Variants in GAD2 observed in about 807,000 individuals in gnomAD.
GAD2 encodes glutamate decarboxylase 2, also known as 65 kDa glutamic acid decarboxylase.
In GAD2, 22 loss-of-function variants were observed where a neutral mutation model predicts 80.1. The ratio of observed to expected loss-of-function variants is 0.27; its 90% CI spans 0.20 to 0.39. GAD2 has a LOEUF of 0.39. GAD2 is among the 10% of genes least tolerant of loss of function. GAD2 has a pLI of 1.00. For synonymous variants in GAD2, 274 were observed against 256.9 expected (o/e 1.07, Z -0.64); for missense variants, 624 against 738.4 (o/e 0.85, Z 1.80).
In GAD2 at chr10:26,270,582, T is replaced by C. The variant is rs1238013807; in HGVS notation, c.976-58T>C. ...AGAATTTCCATTGCTTTGAATCAGC[T>C]TTTTAAAAGAACCCTTGACTCTGTT... On this transcript the variant is annotated intron_variant, in intron 9 of 15. Coordinates refer to ENST00000376261, the MANE Select transcript of GAD2 (RefSeq NM_001134366.2). 8 of 1,259,018 alleles carry C rather than the reference T, an allele frequency of 6.4e-6. No individual in the cohort carries two copies. In the Admixed American group the frequency reaches 1.0e-4, roughly 16 times the overall value. The allele number at this position is 1,259,018 out of a possible 1,614,324, so 78.0% of individuals were successfully genotyped here.
intron 15 of GAD2, among the ~76,000 whole-genome samples, chr10:26,295,082 C>A (rs1313833085): frequency 2.0e-5 from 3 of 150,626 alleles, no homozygotes; most frequent in Non-Finnish European, 4.4e-5. Flanking sequence ...AGAATAAAAA[C>A]TTTTTTTTTT....
intron 7 of GAD2, among the ~76,000 whole-genome samples, chr10:26,237,681 G>C (rs1467869661): frequency 6.6e-6 from 1 of 152,046 alleles, no homozygotes; most frequent in Non-Finnish European, 1.5e-5. Flanking sequence ...ATAATTTTGA[G>C]ATTTCCCTAC....
Position 26,217,282 on chromosome 10 carries a change from C to T in GAD2, c.77-328C>T, listed in dbSNP as rs1489936284. Among the ~76,000 whole-genome samples, 1 of 151,724 alleles carries T rather than the reference C, an allele frequency of 6.6e-6. No homozygotes were observed. Among genetic ancestry groups the T allele is most frequent in the African/African-American group, 2.4e-5 (1 of 41,266 alleles). On this transcript the variant is annotated intron_variant, in intron 1 of 15. Transcript: ENST00000376261. This position sits in a 1 kb window ranked among gnomAD's most constrained non-coding sequence, Gnocchi z 4.9. ...TTTCTTTATCTAGAAAGACAGTCTG[C>T]GAAAAAATGGATAGCTTCAGTGTTT...
chr10:26,253,710 C>T (rs756803747), intron 8 of GAD2, among the ~76,000 whole-genome samples: 20 of 152,212 alleles, frequency 1.3e-4, no homozygotes, highest in Non-Finnish European at 1.9e-4. Flanking sequence ...TCCAGTCTAG[C>T]GTGAGATGAG....
At chr10:26,247,309 G>GT (rs1844821391) in intron 8 of GAD2, among the ~76,000 whole-genome samples, 1 of 152,142 alleles carries the variant, frequency 6.6e-6, no homozygotes, top group Non-Finnish European at 1.5e-5. Flanking sequence ...AGTCACTCTC[G>GT]TGGCCATCTT....
intron 8 of GAD2, among the ~76,000 whole-genome samples, chr10:26,248,182 A>G (rs1022661794): frequency 1.3e-5 from 2 of 152,244 alleles, no homozygotes; most frequent in Non-Finnish European, 2.9e-5. Context: ...GGCAAATTGC[A>G]AATCAATACA....
chr10:26,226,438 A>G (rs192435916), intron 6 of GAD2, among the ~76,000 whole-genome samples: 42 of 152,342 alleles, frequency 2.8e-4, no homozygotes, highest in Middle Eastern at 3.4e-3. Flanking sequence ...CAAGCCATAG[A>G]TGTCACACTA....
intron 8 of GAD2, among the ~76,000 whole-genome samples, chr10:26,262,944 T>C (rs1845026590): frequency 6.6e-6 from 1 of 152,180 alleles, no homozygotes; most frequent in African/African-American, 2.4e-5. Context: ...GCACACCTTC[T>C]TGCCCATACA....
At position 26,234,609 on chromosome 10, in the gene GAD2, G is replaced by A. The variant is rs545928028; in HGVS notation, c.840+4832G>A. 6.6e-5 allele frequency among the ~76,000 whole-genome samples: 10 copies of A among 152,304 alleles called. No individual in the cohort carries two copies. The South Asian group carries it at 1.9e-3, about 28-fold the overall frequency. Reference sequence around the variant, plus strand: ...AGGTTGAAATGTTTGGTTTTATCATGTACTAGTTGTGTGACACTGGACAAG... The same window carrying A: ...AGGTTGAAATGTTTGGTTTTATCATATACTAGTTGTGTGACACTGGACAAG... On this transcript the variant is annotated intron_variant, in intron 7 of 15. Transcript: ENST00000376261.
chr10:26,291,524 C>T (rs1834213953), intron 13 of GAD2, among the ~76,000 whole-genome samples: 1 of 152,162 alleles, frequency 6.6e-6, no homozygotes, highest in Non-Finnish European at 1.5e-5. Flanking sequence ...TGTTGGGCCC[C>T]CTTAGCTGAG....
chr10:26,230,596 G>A (rs1449686044), intron 7 of GAD2, among the ~76,000 whole-genome samples: 2 of 152,084 alleles, frequency 1.3e-5, no homozygotes, highest in Non-Finnish European at 2.9e-5. Flanking sequence ...CACCATGGCT[G>A]ACTAATTTTT....
chr10:26,238,631 C>T (rs1006986105), intron 7 of GAD2, among the ~76,000 whole-genome samples: 3 of 152,216 alleles, frequency 2.0e-5, no homozygotes, highest in African/African-American at 7.2e-5. Context: ...GCTTCACAGA[C>T]GTGCCTGTGT....
chr10:26,260,497 G>A (rs8190695), intron 8 of GAD2, among the ~76,000 whole-genome samples: 9,853 of 152,050 alleles, frequency 0.065, 412 homozygotes, highest in South Asian at 0.13. Flanking sequence ...GTGTGATGGC[G>A]CGTGGCTGTA....
In GAD2 at chr10:26,273,666, C is replaced by G; in HGVS notation, c.1123C>G (p.Arg375Gly). Residue 375 changes from arginine (R) to glycine (G), a missense_variant, in exon 11 of 16, where the codon CGA (arginine) becomes GGA (glycine). Arg to Gly is a moderately radical substitution (Grantham distance 125, BLOSUM62 -2). Transcript: ENST00000376261. The stretch of plus-strand genomic sequence containing the variant: ...TTGGGGTGGGGGATTACTGATGTCC[C>G]GAAAACACAAGTGGAAACTGAGTGG... ...AAWGGGLLMSRKHKWKLSGVE... is the reference protein window; with the variant it reads ...AAWGGGLLMSGKHKWKLSGVE... 3 of 1,612,896 alleles carry G rather than the reference C, an allele frequency of 1.9e-6. No homozygotes were observed. The highest frequency in any genetic ancestry group is 2.5e-6 in the Non-Finnish European group (3 of 1,179,518).
chr10:26,225,724 G>A (rs1037889928), intron 6 of GAD2, among the ~76,000 whole-genome samples: 42 of 152,310 alleles, frequency 2.8e-4, no homozygotes, highest in African/African-American at 9.9e-4. Context: ...TGCAAGCTCT[G>A]GTCAGCTATT....
At chr10:26,228,356 A>G (rs142707511) in intron 6 of GAD2, among the ~76,000 whole-genome samples, 2 of 152,318 alleles carry the variant, frequency 1.3e-5, no homozygotes, top group Non-Finnish European at 2.9e-5. Flanking sequence ...GTAACACAAT[A>G]TGGACTGAAA....
At chr10:26,251,000 C>G (rs1487694738) in intron 8 of GAD2, among the ~76,000 whole-genome samples, 1 of 150,886 alleles carries the variant, frequency 6.6e-6, no homozygotes, top group African/African-American at 2.4e-5. Context: ...CCGCCTCAGC[C>G]TCCCAAGTAG....
At chr10:26,255,660 G>GAAAGAA (rs1300875667) in intron 8 of GAD2, among the ~76,000 whole-genome samples, 3 of 146,568 alleles carry the variant, frequency 2.0e-5, no homozygotes, top group African/African-American at 7.6e-5. Flanking sequence ...GAGGGGGAAG[G>GAAAGAA]GGAAGGAAAG....
rs760151235 is a variant in GAD2 at position 26,270,773 on chromosome 10, G to C, written c.1092+17G>C. On this transcript the variant is annotated intron_variant, in intron 10 of 15. Transcript: ENST00000376261. ...CATGTGGATGTAAGTATCCCTTAGG[G>C]ACTGGCCACTAAAACGTCCTTGCAC... 7 of 1,499,622 alleles carry C rather than the reference G, an allele frequency of 4.7e-6. No individual in the cohort carries two copies. The highest frequency in any genetic ancestry group is 6.5e-6 in the Non-Finnish European group (7 of 1,076,076). 92.9% of individuals were successfully genotyped at this position (1,499,622 alleles called of 1,614,324 possible).
Sources: gnomAD v4.1 joint callset for allele counts (sites outside exome capture counted in the v4.1 genomes callset) on GRCh38, gnomAD v4.1.1 for gene constraint, Gnocchi (gnomAD v3.1) non-coding constraint, MANE v1.5 for transcripts, NCBI Gene and HGNC (gene_info 2026-07-23, HGNC 2026-07-21) for gene names.